Variants in ARGLU1 observed in about 807,000 individuals in gnomAD.
The protein encoded by ARGLU1 is arginine and glutamate rich 1, also known as arginine and glutamate-rich protein 1.
In ARGLU1, 9 loss-of-function variants were observed where a neutral mutation model predicts 37.6. The observed-to-expected ratio is 0.24, with a 90% CI of 0.14 to 0.42. The LOEUF is 0.42. Ranked by LOEUF, ARGLU1 falls within the 10% of genes least tolerant of loss-of-function variation. ARGLU1 has a pLI of 1.00. For synonymous variants in ARGLU1, 166 were observed against 138.5 expected, an observed-to-expected ratio of 1.20 and a Z score of -1.39; for missense variants, 211 against 359.2, an observed-to-expected ratio of 0.59 and a Z score of 3.34.
At chr13:106,555,498 AAT>A (rs111279100) in intron 3 of ARGLU1, among the ~76,000 whole-genome samples, 40 of 152,278 alleles carry the variant, frequency 2.6e-4, no homozygotes, top group African/African-American at 7.9e-4. Flanking sequence ...AGGACAAATC[AAT>A]ATTAAGGGTT....
chr13:106,553,002 C>T (rs970629361), intron 3 of ARGLU1, among the ~76,000 whole-genome samples: 5 of 152,064 alleles, frequency 3.3e-5, no homozygotes, highest in Non-Finnish European at 7.4e-5. Context: ...TAACACATTC[C>T]TTATTAGTCA....
intron 1 of ARGLU1, among the ~76,000 whole-genome samples, chr13:106,566,242 A>C (rs766632629): frequency 7.9e-5 from 12 of 152,194 alleles, no homozygotes; most frequent in Non-Finnish European, 1.8e-4. Flanking sequence ...TTGGAAGCAA[A>C]ACAGCTCCAG....
intron 3 of ARGLU1, among the ~76,000 whole-genome samples, chr13:106,553,078 A>G (rs956065731): frequency 6.6e-6 from 1 of 152,208 alleles, no homozygotes; most frequent in Non-Finnish European, 1.5e-5. Flanking sequence ...TATGACTTTA[A>G]CTTCTTTACT....
intron 3 of ARGLU1, among the ~76,000 whole-genome samples, chr13:106,550,301 T>C (rs1257923125): frequency 1.3e-5 from 2 of 152,204 alleles, no homozygotes; most frequent in African/African-American, 4.8e-5. Context: ...TGTTTCCAAT[T>C]TGTGTCCTAC....
At chr13:106,551,509 T>C (rs765964468) in intron 3 of ARGLU1, among the ~76,000 whole-genome samples, 17 of 152,228 alleles carry the variant, frequency 1.1e-4, no homozygotes, top group African/African-American at 2.4e-5. Context: ...AACATATGCA[T>C]TTTCTATCAT....
At chr13:106,551,503 T>G (rs2138967250) in intron 3 of ARGLU1, among the ~76,000 whole-genome samples, 1 of 152,322 alleles carries the variant, frequency 6.6e-6, no homozygotes, top group South Asian at 2.1e-4. Flanking sequence ...AAAGGCAACA[T>G]ATGCATTTTC....
intron 2 of ARGLU1, chr13:106,558,629 A>G: frequency 2.0e-6 from 2 of 985,456 alleles, no homozygotes; most frequent in Non-Finnish European, 2.4e-6. Flanking sequence ...CAAACAAGCC[A>G]TAAAGCTTCA....
chr13:106,553,085 T>A lies in ARGLU1; in HGVS notation c.657+3963A>T, dbSNP rs183218792. On this transcript the variant is annotated intron_variant, in intron 3 of 3. Transcript: ENST00000400198. ...GTCAAAAGTATGACTTTAACTTCTTTACTAGTATTTCTATGTGATAAAAAA... is the reference window on the plus strand; with the variant it reads ...GTCAAAAGTATGACTTTAACTTCTTAACTAGTATTTCTATGTGATAAAAAA... Among the ~76,000 whole-genome samples the A allele has an allele frequency of 8.1e-4, 123 of 152,302 alleles. 1 individual carries two copies. The highest frequency in any genetic ancestry group is 2.8e-3 in the African/African-American group (115 of 41,576).
intron 2 of ARGLU1, chr13:106,558,953 G>GA (rs1290410404): frequency 5.1e-6 from 5 of 985,284 alleles, no homozygotes; most frequent in African/African-American, 3.5e-5. Context: ...AGAAGAGTGA[G>GA]AAAACCTATT....
intron 3 of ARGLU1, among the ~76,000 whole-genome samples, chr13:106,547,671 T>C (rs1471069155): frequency 1.3e-5 from 2 of 152,244 alleles, no homozygotes; most frequent in African/African-American, 2.4e-5. Flanking sequence ...TAAAATATTA[T>C]GCATTTGTAT....
chr13:106,551,245 A>C (rs75621103), intron 3 of ARGLU1, among the ~76,000 whole-genome samples: 2,803 of 152,256 alleles, frequency 0.018, 96 homozygotes, highest in African/African-American at 0.064. Context: ...TCTTCAATTT[A>C]GCTTTTCTTG....
intron 3 of ARGLU1, among the ~76,000 whole-genome samples, chr13:106,548,835 G>A (rs1040203465): frequency 3.3e-5 from 5 of 152,090 alleles, no homozygotes; most frequent in Admixed American, 2.0e-4. Flanking sequence ...TGCAACCTCC[G>A]CCTCCCGGGT....
Position 106,557,042 on chromosome 13 carries a change from A to C in ARGLU1, c.657+6T>G, listed in dbSNP as rs781287806. Reference sequence around the variant, plus strand: ...AAAACACTTTTCATGTATGCTTTACACTTACCAGTTTGGCTTGTGCTTCTG... The same window carrying C: ...AAAACACTTTTCATGTATGCTTTACCCTTACCAGTTTGGCTTGTGCTTCTG... On this transcript the variant is annotated splice_donor_region_variant and intron_variant, in intron 3 of 3. Transcript: ENST00000400198. This position sits in a 1 kb window ranked among gnomAD's most constrained non-coding sequence, Gnocchi z 5.0. 27 of 1,610,138 alleles carry C rather than the reference A, an allele frequency of 1.7e-5. No individual in the cohort carries two copies. The highest frequency in any genetic ancestry group is 1.7e-6 in the Non-Finnish European group (2 of 1,176,578).
chr13:106,568,036 C>T lies in ARGLU1; in HGVS notation c.-117G>A, dbSNP rs1414716775. On this transcript the variant is annotated 5_prime_UTR_variant, in exon 1 of 4. Transcript: ENST00000400198. ...CCGAGGCCGGAGGAAAGAAAGGTGT[C>T]GGCCAACGGACTTTATGCCTTTTCC... 2.8e-6 allele frequency: 4 copies of T among 1,417,990 alleles called. No homozygotes were observed. The highest frequency in any genetic ancestry group is 3.1e-5 in the Admixed American group (1 of 32,392). The allele number at this position is 1,417,990 out of a possible 1,614,324, so 87.8% of individuals were successfully genotyped here.
At chr13:106,546,157 C>G (rs1025110684) in intron 3 of ARGLU1, among the ~76,000 whole-genome samples, 1 of 152,150 alleles carries the variant, frequency 6.6e-6, no homozygotes, top group Non-Finnish European at 1.5e-5. Flanking sequence ...CAGTTTAGGG[C>G]CACATATCTT....
Position 106,567,536 on chromosome 13 carries a change from T to G in ARGLU1, c.347+37A>C. ...CACGCCCTCGCCCCGCGCCCTGCTC[T>G]CCGCACGCCCCGGTCCCTCCCCGCG... On this transcript the variant is annotated intron_variant, in intron 1 of 3. Coordinates refer to ENST00000400198, the MANE Select transcript of ARGLU1 (RefSeq NM_018011.4). This position sits in a 1 kb window ranked among gnomAD's most constrained non-coding sequence, Gnocchi z 4.3. 6.9e-7 allele frequency: 1 copy of G among 1,459,370 alleles called. No homozygotes were observed. The highest frequency in any genetic ancestry group is 9.6e-7 in the Non-Finnish European group (1 of 1,042,806). 90.4% of individuals were successfully genotyped at this position (1,459,370 alleles called of 1,614,324 possible). A position where few individuals can be genotyped will look rare whatever the true frequency, so the allele number is the denominator to read the frequency against.
At chr13:106,563,443 C>G (rs1017173871) in intron 1 of ARGLU1, among the ~76,000 whole-genome samples, 6 of 152,082 alleles carry the variant, frequency 3.9e-5, no homozygotes, top group Non-Finnish European at 7.4e-5. Flanking sequence ...CCACCCTACA[C>G]CGGTTTCTGC....
Position 106,567,804 on chromosome 13 carries a change from T to A in ARGLU1, c.116A>T (p.Lys39Met), listed in dbSNP as rs1258887753. 2 of 1,613,496 alleles carry A rather than the reference T, an allele frequency of 1.2e-6. No homozygotes were observed. Among genetic ancestry groups the A allele is most frequent in the East Asian group, 2.2e-5 (1 of 44,788 alleles). ...SRSRDKERVRKRSKSRESKRN... is the reference protein window; with the variant it reads ...SRSRDKERVRMRSKSRESKRN... ...TTTACTTTCCCGAGATTTGGAACGC[T>A]TCCGCACGCGCTCCTTGTCCCGGGA... The change falls in exon 1 of 4, where the codon AAG (lysine) becomes ATG (methionine). Residue 39 changes from lysine (K) to methionine (M), a missense_variant. Transcript: ENST00000400198. This position sits in a 1 kb window ranked among gnomAD's most constrained non-coding sequence, Gnocchi z 4.3.
At chr13:106,546,466 C>A (rs925104256) in intron 3 of ARGLU1, among the ~76,000 whole-genome samples, 2 of 152,208 alleles carry the variant, frequency 1.3e-5, no homozygotes, top group Non-Finnish European at 2.9e-5. Flanking sequence ...ACCTGTACAT[C>A]AGAATCTATT....
Sources: allele counts gnomAD v4.1 joint callset (sites outside exome capture counted in the v4.1 genomes callset), GRCh38; gene constraint gnomAD v4.1.1; non-coding constraint Gnocchi (gnomAD v3.1); transcripts MANE v1.5; gene names NCBI Gene and HGNC (gene_info 2026-07-23, HGNC 2026-07-21).